Variants in TAFA2 observed in about 807,000 individuals in gnomAD.
TAFA2 encodes TAFA chemokine like family member 2.
A neutral mutation model predicts 18.8 loss-of-function variants in TAFA2; 7 were observed. The observed-to-expected ratio is 0.37, with a 90% confidence interval of 0.21 to 0.70. The LOEUF is 0.70. TAFA2 is among the 30% of genes least tolerant of loss of function. The pLI is 0.53. For missense variants in TAFA2, 122 were observed against 158.1 expected, an observed-to-expected ratio of 0.77 and a Z score of 1.23; for synonymous variants, 60 against 54.2, an observed-to-expected ratio of 1.11 and a Z score of -0.47.
intron 1 of TAFA2, among the ~76,000 whole-genome samples, chr12:62,128,569 C>A (rs184513769): frequency 2.0e-5 from 3 of 152,022 alleles, no homozygotes; most frequent in African/African-American, 7.2e-5. Context: ...CCCCACCACT[C>A]CTGTTCCGCT....
In TAFA2 at chr12:62,046,629, T is replaced by C. The variant is rs966066690; in HGVS notation, c.-2+144630A>G. On this transcript the variant is annotated intron_variant, in intron 1 of 4. Coordinates refer to ENST00000416284, the MANE Select transcript of TAFA2 (RefSeq NM_178539.5). Reference sequence around the variant, plus strand: ...ATATTTATACCAATATAAAATACTCTACAGATTTCAGTAAATATTGTTGCT... The same window carrying C: ...ATATTTATACCAATATAAAATACTCCACAGATTTCAGTAAATATTGTTGCT... Among the ~76,000 whole-genome samples the C allele has an allele frequency of 2.6e-5, 4 of 152,116 alleles. No homozygotes were observed. In the South Asian group the frequency reaches 8.3e-4, roughly 32 times the overall value.
At chr12:62,239,377 C>T (rs904956910) in intron 1 of TAFA2, among the ~76,000 whole-genome samples, 3 of 152,160 alleles carry the variant, frequency 2.0e-5, no homozygotes, top group Non-Finnish European at 2.9e-5. Context: ...ATGCTAATGG[C>T]CCCTGAATTA....
intron 4 of TAFA2, among the ~76,000 whole-genome samples, chr12:61,722,730 A>G (rs982161570): frequency 6.6e-6 from 1 of 151,996 alleles, no homozygotes; most frequent in Non-Finnish European, 1.5e-5. Flanking sequence ...ACTTTTTCCT[A>G]TATGTCTTAT....
intron 1 of TAFA2, among the ~76,000 whole-genome samples, chr12:61,921,032 G>A (rs1323032055): frequency 1.3e-5 from 2 of 152,148 alleles, no homozygotes; most frequent in Admixed American, 1.3e-4. Context: ...AGTGTGGCTG[G>A]AGTAGAACAG....
chr12:62,194,958 T>A (rs938416664), upstream of TAFA2, among the ~76,000 whole-genome samples: 4 of 152,160 alleles, frequency 2.6e-5, no homozygotes, highest in South Asian at 2.1e-4. Flanking sequence ...ATGCTTTTTT[T>A]AAAAAAAGTG....
chr12:62,166,845 G>A (rs1327089527), intron 1 of TAFA2, among the ~76,000 whole-genome samples: 1 of 152,062 alleles, frequency 6.6e-6, no homozygotes, highest in African/African-American at 2.4e-5. Context: ...AGAATTATCT[G>A]GTCTTCATGT....
chr12:61,835,700 A>T (rs1872892039), intron 2 of TAFA2, among the ~76,000 whole-genome samples: 1 of 152,016 alleles, frequency 6.6e-6, no homozygotes, highest in African/African-American at 2.4e-5. Context: ...TTGAGTAAAT[A>T]TCCTTAAACA....
chr12:61,985,188 A>G (rs1032121278), intron 1 of TAFA2, among the ~76,000 whole-genome samples: 1 of 152,214 alleles, frequency 6.6e-6, no homozygotes, highest in Non-Finnish European at 1.5e-5. Context: ...GGACTCATAC[A>G]CCAAGATTAA....
At chr12:62,116,548 T>G (rs966011188) in intron 1 of TAFA2, among the ~76,000 whole-genome samples, 1 of 147,334 alleles carries the variant, frequency 6.8e-6, no homozygotes. Flanking sequence ...AGGAAGCCTT[T>G]AGTCCTCAAT....
chr12:61,736,417 G>A (rs1868305343), intron 4 of TAFA2, among the ~76,000 whole-genome samples: 1 of 151,858 alleles, frequency 6.6e-6, no homozygotes, highest in African/African-American at 2.4e-5. Flanking sequence ...CAAGTTATGT[G>A]GATTCAACTT....
At chr12:62,108,395 A>G (rs1869561585) in intron 1 of TAFA2, among the ~76,000 whole-genome samples, 1 of 151,970 alleles carries the variant, frequency 6.6e-6, no homozygotes, top group South Asian at 2.1e-4. Context: ...CAGTTTAATG[A>G]GCATTTGGGT....
intron 1 of TAFA2, among the ~76,000 whole-genome samples, chr12:62,058,595 G>T (rs966977673): frequency 6.7e-6 from 1 of 148,622 alleles, no homozygotes; most frequent in African/African-American, 2.5e-5. Flanking sequence ...TTCATATCCT[G>T]CCCTCCTTTT....
In TAFA2 at chr12:62,112,691, T is replaced by C. The variant is rs190039228; in HGVS notation, c.-2+78568A>G. On this transcript the variant is annotated intron_variant, in intron 1 of 4. Coordinates refer to ENST00000416284, the MANE Select transcript of TAFA2 (RefSeq NM_178539.5). ...AGGCTTTCTTCGTTCCTTTTCATTCTTTTTTCTCTAATCTCATCTTCAAGC... is the reference window on the plus strand; with the variant it reads ...AGGCTTTCTTCGTTCCTTTTCATTCCTTTTTCTCTAATCTCATCTTCAAGC... Among the ~76,000 whole-genome samples, 292 of 152,226 alleles carry C rather than the reference T, an allele frequency of 1.9e-3. 2 individuals carry two copies. Among genetic ancestry groups the C allele is most frequent in the African/African-American group, 6.8e-3 (282 of 41,532 alleles).
At chr12:61,936,874 A>T (rs1877791045) in intron 1 of TAFA2, among the ~76,000 whole-genome samples, 1 of 152,138 alleles carries the variant, frequency 6.6e-6, no homozygotes, top group South Asian at 2.1e-4. Flanking sequence ...AGGAAATCAA[A>T]CTATCACTGT....
At chr12:61,800,920 A>G (rs1331253887) in intron 2 of TAFA2, among the ~76,000 whole-genome samples, 3 of 152,192 alleles carry the variant, frequency 2.0e-5, no homozygotes, top group Non-Finnish European at 4.4e-5. Context: ...GAGAAAAAAG[A>G]TAATGAGATG....
intron 1 of TAFA2, among the ~76,000 whole-genome samples, 180 bp downstream of exon 1, chr12:62,191,079 C>T (rs540308783): frequency 6.6e-6 from 1 of 152,166 alleles, no homozygotes; most frequent in African/African-American, 2.4e-5. Flanking sequence ...GAGACGCCGG[C>T]CGATGGACCC....
chr12:62,132,896 G>T (rs1351006399), intron 1 of TAFA2, among the ~76,000 whole-genome samples: 1 of 151,912 alleles, frequency 6.6e-6, no homozygotes, highest in Non-Finnish European at 1.5e-5. Flanking sequence ...AATATATTTT[G>T]CAGAAGTCTA....
chr12:62,256,328 C>T (rs2062938832), intron 1 of TAFA2, among the ~76,000 whole-genome samples: 1 of 151,842 alleles, frequency 6.6e-6, no homozygotes, highest in Non-Finnish European at 1.5e-5. Context: ...ACCTTATGCC[C>T]ATGCTAAAAT....
rs1403902624 is a variant in TAFA2 at position 62,021,948 on chromosome 12, C to G, written c.-1-154522G>C. 5.6e-6 allele frequency: 4 copies of G among 714,326 alleles called. No individual in the cohort carries two copies. In the East Asian group the frequency reaches 8.5e-5, roughly 15 times the overall value. The allele number at this position is 714,326 out of a possible 1,614,324, so 44.2% of individuals were successfully genotyped here. A position where few individuals can be genotyped will look rare whatever the true frequency, so the allele number is the denominator to read the frequency against. ...TGAATTGCAACACACCATGGCAGGCCCTCCTCACAGCAAGCCCTCCTAGGA... is the reference window on the plus strand; with the variant it reads ...TGAATTGCAACACACCATGGCAGGCGCTCCTCACAGCAAGCCCTCCTAGGA... On this transcript the variant is annotated intron_variant, in intron 1 of 4. Transcript: ENST00000416284.
Sources: allele counts gnomAD v4.1 joint callset (sites outside exome capture counted in the v4.1 genomes callset), GRCh38; gene constraint gnomAD v4.1.1; transcripts MANE v1.5; gene names NCBI Gene and HGNC (gene_info 2026-07-23, HGNC 2026-07-21).